TAFA2: variants seen among roughly 807,000 people sequenced by gnomAD.
TAFA2 encodes TAFA chemokine like family member 2.
In TAFA2, 7 loss-of-function variants were observed where a neutral mutation model predicts 18.8. The observed-to-expected ratio is 0.37, with a 90% CI of 0.21 to 0.70. The LOEUF is 0.70. TAFA2 is among the 30% of genes least tolerant of loss of function. TAFA2 has a pLI of 0.53. For missense variants in TAFA2, 122 were observed against 158.1 expected, an observed-to-expected ratio of 0.77 and a Z score of 1.23; for synonymous variants, 60 against 54.2, an observed-to-expected ratio of 1.11 and a Z score of -0.47.
chr12:62,246,265 C>A (rs941163347), intron 1 of TAFA2, among the ~76,000 whole-genome samples: 2 of 152,152 alleles, frequency 1.3e-5, no homozygotes, highest in Non-Finnish European at 2.9e-5. Context: ...GGATTACAAG[C>A]GTGAGCCACC....
At chr12:61,897,451 ACT>A (rs1270874898) in intron 1 of TAFA2, among the ~76,000 whole-genome samples, 1 of 152,142 alleles carries the variant, frequency 6.6e-6, no homozygotes, top group Non-Finnish European at 1.5e-5. Context: ...AGTTTAATTG[ACT>A]CACAGTGCAG....
At chr12:61,710,833 T>C (rs1276618266) in intron 4 of TAFA2, among the ~76,000 whole-genome samples, 1 of 152,138 alleles carries the variant, frequency 6.6e-6, no homozygotes, top group Non-Finnish European at 1.5e-5. Flanking sequence ...AGTCACATCA[T>C]ATTCTCAAAA....
At chr12:61,717,740 G>C (rs2120574118) in intron 4 of TAFA2, among the ~76,000 whole-genome samples, 1 of 152,204 alleles carries the variant, frequency 6.6e-6, no homozygotes, top group Non-Finnish European at 1.5e-5. Flanking sequence ...AATCTTTCTA[G>C]ACTTCTGGAA....
chr12:61,788,922 C>T (rs968048695), intron 2 of TAFA2, among the ~76,000 whole-genome samples: 1 of 151,616 alleles, frequency 6.6e-6, no homozygotes, highest in Non-Finnish European at 1.5e-5. Context: ...TTAACAAAAG[C>T]CATATGTTTA....
intron 1 of TAFA2, among the ~76,000 whole-genome samples, chr12:62,000,517 C>T (rs1037011998): frequency 1.4e-5 from 2 of 146,292 alleles, no homozygotes; most frequent in African/African-American, 4.9e-5. Flanking sequence ...TATACACACC[C>T]TATGACCTAA....
chr12:62,077,823 A>G (rs1868261514), intron 1 of TAFA2, among the ~76,000 whole-genome samples: 1 of 152,112 alleles, frequency 6.6e-6, no homozygotes, highest in African/African-American at 2.4e-5. Context: ...CAAAATCCAC[A>G]TCTTCAACAC....
At chr12:61,977,645 G>A (rs535727562) in intron 1 of TAFA2, among the ~76,000 whole-genome samples, 14 of 152,176 alleles carry the variant, frequency 9.2e-5, no homozygotes, top group East Asian at 7.8e-4. Context: ...GTAGACCAGC[G>A]AAGTAAAATT....
At chr12:61,865,445 G>C (rs886382852) in intron 2 of TAFA2, among the ~76,000 whole-genome samples, 1 of 152,148 alleles carries the variant, frequency 6.6e-6, no homozygotes, top group African/African-American at 2.4e-5. Context: ...AAAGATGGAG[G>C]AGGGGAGAAA....
intron 1 of TAFA2, among the ~76,000 whole-genome samples, chr12:62,189,593 C>T (rs1024528184): frequency 1.3e-5 from 2 of 152,154 alleles, no homozygotes; most frequent in African/African-American, 4.8e-5. Flanking sequence ...CAAATGCAAA[C>T]ATGGAAAGGC....
chr12:62,029,931 T>G (rs529193046), intron 1 of TAFA2, among the ~76,000 whole-genome samples: 7 of 152,054 alleles, frequency 4.6e-5, no homozygotes, highest in Non-Finnish European at 8.8e-5. Context: ...CACAGCAATG[T>G]CTGAAAGAAA....
At chr12:62,117,683 C>T (rs988843495) in intron 1 of TAFA2, among the ~76,000 whole-genome samples, 3 of 151,840 alleles carry the variant, frequency 2.0e-5, no homozygotes, top group African/African-American at 7.3e-5. Context: ...CCTATGTTTC[C>T]TTTTTTATGT....
At chr12:62,252,249 C>T (rs1163305746) in intron 1 of TAFA2, 6 of 152,190 alleles carry the variant, frequency 3.9e-5, no homozygotes, top group South Asian at 4.1e-4. Context: ...CAAGAGATGC[C>T]AAATACATTC....
intron 1 of TAFA2, among the ~76,000 whole-genome samples, chr12:61,933,206 G>A (rs1292865638): frequency 1.3e-5 from 2 of 152,110 alleles, no homozygotes; most frequent in African/African-American, 4.8e-5. Flanking sequence ...ATAGTATCAA[G>A]GAAGGAACAC....
chr12:62,165,110 C>T (rs147852152), intron 1 of TAFA2, among the ~76,000 whole-genome samples: 65 of 152,104 alleles, frequency 4.3e-4, no homozygotes, highest in African/African-American at 1.4e-3. Flanking sequence ...ATACAGAGGG[C>T]GAGACTTCAC....
chr12:61,855,463 C>G (rs755087378), intron 2 of TAFA2, among the ~76,000 whole-genome samples: 6 of 152,106 alleles, frequency 3.9e-5, no homozygotes, highest in Non-Finnish European at 7.4e-5. Context: ...ATTAAGGAAG[C>G]TGAATTCAAA....
intron 1 of TAFA2, among the ~76,000 whole-genome samples, chr12:61,987,606 G>T (rs1303647336): frequency 2.0e-5 from 3 of 152,154 alleles, no homozygotes; most frequent in Non-Finnish European, 4.4e-5. Flanking sequence ...CCTAAACAAT[G>T]GTTGACAGGT....
At chr12:62,254,404 T>C (rs972435326) in intron 1 of TAFA2, among the ~76,000 whole-genome samples, 3 of 152,194 alleles carry the variant, frequency 2.0e-5, no homozygotes, top group Admixed American at 2.0e-4. Context: ...ATAGGTCTTT[T>C]TGACTCTAAA....
intron 1 of TAFA2, among the ~76,000 whole-genome samples, chr12:62,029,619 G>A (rs1420029295): frequency 5.4e-5 from 2 of 36,796 alleles, no homozygotes; most frequent in African/African-American, 1.1e-4. Flanking sequence ...TTTTAAAAAA[G>A]CCAAAACATG....
intron 1 of TAFA2, among the ~76,000 whole-genome samples, chr12:62,024,866 C>T (rs902715545): frequency 1.3e-5 from 2 of 152,068 alleles, no homozygotes; most frequent in African/African-American, 4.8e-5. Flanking sequence ...AAATGCTCAA[C>T]ACCACTAATC....
Sources: allele counts gnomAD v4.1 joint callset (sites outside exome capture counted in the v4.1 genomes callset), GRCh38; gene constraint gnomAD v4.1.1; transcripts MANE v1.5; gene names NCBI Gene and HGNC (gene_info 2026-07-23, HGNC 2026-07-21).